Variants in PRR16 observed in about 807,000 individuals in gnomAD.
PRR16 encodes the protein protein Largen.
A neutral mutation model predicts 18.2 loss-of-function variants in PRR16; 6 were observed. The ratio of observed to expected loss-of-function variants is 0.33; its 90% CI spans 0.18 to 0.65. The LOEUF is 0.65. Ranked by LOEUF, PRR16 falls within the 30% of genes least tolerant of loss-of-function variation. The probability of loss-of-function intolerance (pLI) is 0.74; values close to 1 mark genes in which losing one functional copy is unlikely to be tolerated. For missense variants in PRR16, 412 were observed against 376.6 expected (o/e 1.09, Z -0.78); for synonymous variants, 151 against 147.8 (o/e 1.02, Z -0.16).
the PRR16 span, among the ~76,000 whole-genome samples, chr5:120,710,164 C>T: frequency 2.6e-5 from 4 of 151,960 alleles, no homozygotes; most frequent in Non-Finnish European, 4.4e-5. Context: ...TGATAAAAGC[C>T]GTTTTGACTT....
chr5:120,723,364 C>T, the PRR16 span, among the ~76,000 whole-genome samples: 1 of 151,834 alleles, frequency 6.6e-6, no homozygotes, highest in Non-Finnish European at 1.5e-5. Context: ...ACATTCATTT[C>T]TATGCATCTT....
At chr5:120,531,000 G>C (rs1432444722) in intron 1 of PRR16, among the ~76,000 whole-genome samples, 2 of 152,176 alleles carry the variant, frequency 1.3e-5, no homozygotes, top group African/African-American at 2.4e-5. Flanking sequence ...TATACAGTTG[G>C]TAAAAATAAT....
At chr5:120,711,271 G>C in the PRR16 span, among the ~76,000 whole-genome samples, 1 of 152,144 alleles carries the variant, frequency 6.6e-6, no homozygotes, top group Non-Finnish European at 1.5e-5. Context: ...AGCCATCATT[G>C]TGCCTAACAC....
chr5:120,754,583 A>T, the PRR16 span, among the ~76,000 whole-genome samples: 6 of 100,600 alleles, frequency 6.0e-5, no homozygotes, highest in East Asian at 3.0e-4. Context: ...TATATTTTAT[A>T]TATTATATAT....
the PRR16 span, among the ~76,000 whole-genome samples, chr5:120,791,904 A>G: frequency 4.6e-5 from 7 of 152,244 alleles, no homozygotes; most frequent in South Asian, 1.5e-3. Flanking sequence ...TGTAATGAAG[A>G]AAATTAGTTT....
At chr5:120,577,230 A>T (rs1381822839) in intron 1 of PRR16, among the ~76,000 whole-genome samples, 1 of 152,126 alleles carries the variant, frequency 6.6e-6, no homozygotes, top group Admixed American at 6.6e-5. Context: ...AATTCCTAAT[A>T]GCAAGGTTTT....
At chr5:120,656,878 T>C (rs984602926) in intron 1 of PRR16, among the ~76,000 whole-genome samples, 3 of 151,990 alleles carry the variant, frequency 2.0e-5, no homozygotes, top group African/African-American at 7.2e-5. Context: ...TGAAGGCTTC[T>C]TTAAGAAGAA....
chr5:120,521,865 C>G (rs146156758), intron 1 of PRR16, among the ~76,000 whole-genome samples: 3,469 of 152,170 alleles, frequency 0.023, 49 homozygotes, highest in South Asian at 0.031. Flanking sequence ...TGTTCCCCAC[C>G]CTGTGTCCAA....
intron 1 of PRR16, among the ~76,000 whole-genome samples, chr5:120,495,163 A>G (rs183629298): frequency 6.6e-6 from 1 of 152,238 alleles, no homozygotes; most frequent in Non-Finnish European, 1.5e-5. Context: ...TTTCGAGCAT[A>G]ATTAAAAACT....
At chr5:120,670,879 T>C (rs1359280807) in intron 1 of PRR16, among the ~76,000 whole-genome samples, 1 of 152,194 alleles carries the variant, frequency 6.6e-6, no homozygotes. Flanking sequence ...TTTCCGTAGA[T>C]TTGCTTATGA....
intron 1 of PRR16, among the ~76,000 whole-genome samples, chr5:120,588,213 T>A (rs1469338427): frequency 6.6e-6 from 1 of 152,222 alleles, no homozygotes; most frequent in Non-Finnish European, 1.5e-5. Context: ...GTGAAAATGT[T>A]GTGAACATTG....
chr5:120,516,103 A>G (rs565721477), intron 1 of PRR16, among the ~76,000 whole-genome samples: 1 of 152,148 alleles, frequency 6.6e-6, no homozygotes, highest in Non-Finnish European at 1.5e-5. Context: ...TTTCTGCTAG[A>G]AAGCAAAACC....
intron 1 of PRR16, among the ~76,000 whole-genome samples, chr5:120,655,374 CTT>C (rs5870910): frequency 2.1e-3 from 201 of 95,668 alleles, no homozygotes; most frequent in Middle Eastern, 6.8e-3. Flanking sequence ...AATAATTGAC[CTT>C]TTTTTTTTTT....
intron 1 of PRR16, among the ~76,000 whole-genome samples, chr5:120,600,792 T>C (rs912654292): frequency 6.6e-6 from 1 of 151,986 alleles, no homozygotes; most frequent in Non-Finnish European, 1.5e-5. Flanking sequence ...AAGCCCAATG[T>C]TTATCTTGCA....
At chr5:120,636,268 A>G (rs1755223879) in intron 1 of PRR16, among the ~76,000 whole-genome samples, 1 of 151,674 alleles carries the variant, frequency 6.6e-6, no homozygotes. Context: ...ACAAAACTAG[A>G]AAAAAAAATC....
At position 120,586,816 on chromosome 5, in the gene PRR16, G is replaced by T. The variant is rs559498830; in HGVS notation, c.160-99138G>T. ...ATGACCTCTAAGCATTCAAGTGAAAGGAAGAGTCCCACATCTCTCCTTTCA... is the reference window on the plus strand; with the variant it reads ...ATGACCTCTAAGCATTCAAGTGAAATGAAGAGTCCCACATCTCTCCTTTCA... On this transcript the variant is annotated intron_variant, in intron 1 of 1. Transcript: ENST00000407149. Among the ~76,000 whole-genome samples, 27 of 152,190 alleles carry T rather than the reference G, an allele frequency of 1.8e-4. No homozygotes were observed. In the South Asian group the frequency reaches 2.9e-3, roughly 16 times the overall value.
At chr5:120,468,635 T>C (rs1749176459) in intron 1 of PRR16, among the ~76,000 whole-genome samples, 1 of 152,244 alleles carries the variant, frequency 6.6e-6, no homozygotes, top group Non-Finnish European at 1.5e-5. Flanking sequence ...TGAGTAGCAA[T>C]ATGCCTGTTC....
chr5:120,608,632 TA>T (rs1377751066), intron 1 of PRR16, among the ~76,000 whole-genome samples: 1 of 152,218 alleles, frequency 6.6e-6, no homozygotes, highest in African/African-American at 2.4e-5. Flanking sequence ...AATCTATTCA[TA>T]ACAGGAATTT....
At chr5:120,682,337 A>G (rs1561613919) in intron 1 of PRR16, among the ~76,000 whole-genome samples, 1 of 152,186 alleles carries the variant, frequency 6.6e-6, no homozygotes, top group Non-Finnish European at 1.5e-5. Context: ...CGCTTGAGCT[A>G]GTTGCACTTT....
Sources: allele counts gnomAD v4.1 joint callset (sites outside exome capture counted in the v4.1 genomes callset), GRCh38; gene constraint gnomAD v4.1.1; transcripts MANE v1.5; gene names NCBI Gene and HGNC (gene_info 2026-07-23, HGNC 2026-07-21).